The following SCML2 variants were observed in gnomAD, a reference collection of about 807,000 sequenced individuals.
The protein encoded by SCML2 is Scm polycomb group protein like 2, also known as sex comb on midleg-like protein 2.
A neutral mutation model predicts 48.4 loss-of-function variants in SCML2; 6 were observed. The observed-to-expected ratio is 0.12, with a 90% CI of 0.07 to 0.24. The LOEUF is 0.24. SCML2 is among the 10% of genes least tolerant of loss of function. The probability of loss-of-function intolerance (pLI) is 1.00; values close to 1 mark genes in which losing one functional copy is unlikely to be tolerated. For missense variants in SCML2, 377 were observed against 528.2 expected (o/e 0.71, Z 2.81); for synonymous variants, 181 against 189.5 (o/e 0.95, Z 0.37).
At chrX:18,350,577 G>GAAA (rs201932466) in intron 1 of SCML2, among the ~76,000 whole-genome samples, 6 of 81,367 alleles carry the variant, frequency 7.4e-5, no homozygotes, top group Non-Finnish European at 1.4e-4. Flanking sequence ...CTCCATCTCG[G>GAAA]AAAAAAAAAA....
intron 11 of SCML2, among the ~76,000 whole-genome samples, 198 bp downstream of exon 11, chrX:18,256,650 A>G (rs1473625052): frequency 8.9e-6 from 1 of 112,339 alleles, no homozygotes; most frequent in East Asian, 2.8e-4. Flanking sequence ...TAAGTAAGCC[A>G]TGGGCTTTGA....
chrX:18,255,811 T>A (rs1342107545), intron 11 of SCML2, among the ~76,000 whole-genome samples: 1 of 112,450 alleles, frequency 8.9e-6, no homozygotes, highest in East Asian at 2.8e-4. Flanking sequence ...CTTAAAAAGA[T>A]AGTCTGTGAT....
intron 1 of SCML2, among the ~76,000 whole-genome samples, chrX:18,354,229 C>G (rs918249668): frequency 6.2e-5 from 7 of 113,549 alleles, no homozygotes; most frequent in Middle Eastern, 4.7e-3. Flanking sequence ...TGATGCCCCC[C>G]AGGCCCCAGC....
At chrX:18,266,245 G>C (rs988182880) in intron 7 of SCML2, among the ~76,000 whole-genome samples, 8 of 111,302 alleles carry the variant, frequency 7.2e-5, no homozygotes, top group Non-Finnish European at 3.8e-5. Context: ...CAGAGGGCAG[G>C]GGCTCCCTTG....
At position 18,265,759 on chromosome X, in the gene SCML2, G is replaced by A. The variant is rs760439778; in HGVS notation, c.774C>T (p.Ser258=). Residue 258 remains serine (S), a synonymous_variant, in exon 8 of 15, where the codon TCC becomes TCT. Coordinates refer to ENST00000251900, the MANE Select transcript of SCML2 (RefSeq NM_006089.3). The part of the protein sequence containing the change: ...KNIAKTESSP[S]EASQHSMQSP... Reference sequence around the variant, plus strand: ...ACTGCATTGAATGCTGGCTTGCTTCGGAAGGAGAAGACTCTGTTTTTGCTA... The same window carrying A: ...ACTGCATTGAATGCTGGCTTGCTTCAGAAGGAGAAGACTCTGTTTTTGCTA... 5.9e-5 allele frequency: 71 copies of A among 1,207,202 alleles called. No individual in the cohort carries two copies. The highest frequency in any genetic ancestry group is 5.6e-4 in the South Asian group (32 of 56,653).
intron 11 of SCML2, 43 bp from the exon 12 acceptor site, chrX:18,247,925 T>C: frequency 1.1e-6 from 1 of 917,603 alleles, no homozygotes; most frequent in Non-Finnish European, 1.6e-6. Context: ...AACGAACTAA[T>C]ATACTCAAGC....
chrX:18,325,175 C>A (rs1929441903), intron 3 of SCML2, among the ~76,000 whole-genome samples, 198 bp from the exon 4 acceptor site: 1 of 110,750 alleles, frequency 9.0e-6, no homozygotes, highest in Non-Finnish European at 1.9e-5. Flanking sequence ...AAGACGATAT[C>A]CTGATAATAA....
chrX:18,242,777 C>T (rs1451008323), intron 13 of SCML2, among the ~76,000 whole-genome samples, 187 bp from the exon 14 acceptor site: 1 of 111,551 alleles, frequency 9.0e-6, no homozygotes. Flanking sequence ...AAGAGCATCC[C>T]ATCTGACCTC....
At chrX:18,298,769 A>C (rs1473300151) in intron 7 of SCML2, among the ~76,000 whole-genome samples, 3 of 109,352 alleles carry the variant, frequency 2.7e-5, no homozygotes, top group Non-Finnish European at 5.7e-5. Context: ...GTTGCAGTGC[A>C]CCAAGATTGC....
chrX:18,342,621 A>G (rs1442946132), intron 1 of SCML2, among the ~76,000 whole-genome samples: 1 of 109,958 alleles, frequency 9.1e-6, no homozygotes, highest in Non-Finnish European at 1.9e-5. Flanking sequence ...CTGAGGCAGT[A>G]GAATTGCTTG....
At chrX:18,310,026 T>C (rs183945714) in intron 6 of SCML2, among the ~76,000 whole-genome samples, 1 of 111,691 alleles carries the variant, frequency 9.0e-6, no homozygotes, top group African/African-American at 3.3e-5. Flanking sequence ...ACTATAAAAA[T>C]GAAATCCTGT....
intron 1 of SCML2, among the ~76,000 whole-genome samples, chrX:18,344,413 GACAAGGCTC>G (rs1930133961): frequency 8.9e-6 from 1 of 111,894 alleles, no homozygotes; most frequent in Non-Finnish European, 1.9e-5. Context: ...AATGCCAAAA[GACAAGGCTC>G]CAATACACCG....
At chrX:18,299,295 C>T (rs187344699) in intron 7 of SCML2, among the ~76,000 whole-genome samples, 312 of 110,586 alleles carry the variant, frequency 2.8e-3, no homozygotes, top group African/African-American at 9.7e-3. Flanking sequence ...GGGCGGATCA[C>T]GAGGTCAGGA....
At chrX:18,283,952 G>A (rs962755035) in intron 7 of SCML2, among the ~76,000 whole-genome samples, 1 of 111,604 alleles carries the variant, frequency 9.0e-6, no homozygotes, top group Non-Finnish European at 1.9e-5. Flanking sequence ...AATTCATACC[G>A]AACCAAAGGA....
chrX:18,295,133 A>G (rs1324558221), intron 7 of SCML2, among the ~76,000 whole-genome samples: 1 of 111,339 alleles, frequency 9.0e-6, no homozygotes, highest in Non-Finnish European at 1.9e-5. Flanking sequence ...AGCTCTCCCA[A>G]GCAGCAGTAC....
chrX:18,256,734 T>A, intron 11 of SCML2, 114 bp downstream of exon 11: 1 of 566,589 alleles, frequency 1.8e-6, no homozygotes, highest in Non-Finnish European at 2.7e-6. Context: ...ATGTTATACA[T>A]TTCTAATTAG....
At chrX:18,353,791 A>G (rs1471202637) in intron 1 of SCML2, among the ~76,000 whole-genome samples, 2 of 113,090 alleles carry the variant, frequency 1.8e-5, no homozygotes, top group African/African-American at 6.4e-5. Flanking sequence ...AAAATCGAGC[A>G]AATTCGCCTA....
intron 11 of SCML2, among the ~76,000 whole-genome samples, chrX:18,250,655 T>G (rs1454631265): frequency 1.8e-5 from 2 of 110,637 alleles, no homozygotes; most frequent in Admixed American, 1.9e-4. Context: ...AGTGCTGGGA[T>G]TACAGGTGTG....
At chrX:18,339,090 G>A (rs1929931765) in intron 1 of SCML2, among the ~76,000 whole-genome samples, 1 of 110,990 alleles carries the variant, frequency 9.0e-6, no homozygotes, top group Admixed American at 9.7e-5. Context: ...TAATCATGTT[G>A]TAAAATGAAA....
Sources: gnomAD v4.1 joint callset for allele counts (sites outside exome capture counted in the v4.1 genomes callset) on GRCh38, gnomAD v4.1.1 for gene constraint, MANE v1.5 for transcripts, NCBI Gene and HGNC (gene_info 2026-07-23, HGNC 2026-07-21) for gene names.